Variants in SERTAD4 observed in about 807,000 individuals in gnomAD.
The protein encoded by SERTAD4 is SERTA domain containing 4.
In SERTAD4, 18 loss-of-function variants were observed where a neutral mutation model predicts 32.9. That is an observed-to-expected ratio of 0.55 (90% CI 0.38 to 0.81). SERTAD4 has a LOEUF of 0.81. SERTAD4 is among the 30% of genes least tolerant of loss of function. The pLI, the probability that SERTAD4 is intolerant of heterozygous loss-of-function variation, is 0.00. For synonymous variants in SERTAD4, 150 were observed against 156.4 expected, an observed-to-expected ratio of 0.96 and a Z score of 0.30; for missense variants, 383 against 426.0, an observed-to-expected ratio of 0.90 and a Z score of 0.89.
intron 3 of SERTAD4, among the ~76,000 whole-genome samples, chr1:210,240,267 TAG>T: frequency 6.6e-6 from 1 of 152,216 alleles, no homozygotes; most frequent in East Asian, 1.9e-4. Flanking sequence ...CATTTTTCTT[TAG>T]AGTTACCTTC....
chr1:210,237,996 G>T lies in SERTAD4; in HGVS notation c.36G>T (p.Glu12Asp), dbSNP rs1282763090. 6.2e-7 allele frequency: 1 copy of T among 1,613,686 alleles called. No individual in the cohort carries two copies. Among genetic ancestry groups the T allele is most frequent in the South Asian group, 1.1e-5 (1 of 91,038 alleles). ...TTCTGTCCATGAATAGATTCTGCGA[G>T]CCCATTGTCTCGGAAGGAGCTGCTG... is the stretch of plus-strand genomic sequence containing the variant. ...TLVLSMNRFCEPIVSEGAAEI... is the reference protein window; with the variant it reads ...TLVLSMNRFCDPIVSEGAAEI... The change falls in exon 2 of 4, where the codon GAG (glutamate) becomes GAT (aspartate). Residue 12 changes from glutamate to aspartate, a missense_variant. By Grantham distance (45) the Glu-to-Asp change is conservative. Transcript: ENST00000367012.
rs2084017398 is a variant in SERTAD4 at position 210,243,162 on chromosome 1, T to C, written c.*825T>C. On this transcript the variant is annotated 3_prime_UTR_variant, in exon 4 of 4. Transcript: ENST00000367012. ...TTTGGAAACTGTTAACTTTGAACTA[T>C]TGTGTTCAGCTTTTGATTCGACATC... 1 of 971,886 alleles carries C rather than the reference T, an allele frequency of 1.0e-6. No individual in the cohort carries two copies. The highest frequency in any genetic ancestry group is 1.2e-6 in the Non-Finnish European group (1 of 818,206). The allele number at this position is 971,886 out of a possible 1,614,324, so 60.2% of individuals were successfully genotyped here. A position where few individuals can be genotyped will look rare whatever the true frequency, so the allele number is the denominator to read the frequency against.
At chr1:210,233,243 C>T (rs1227862049) in intron 1 of SERTAD4, among the ~76,000 whole-genome samples, 2 of 152,016 alleles carry the variant, frequency 1.3e-5, no homozygotes, top group Admixed American at 1.3e-4. Flanking sequence ...GCGGGCTTTT[C>T]CCTGGGCTAG....
intron 1 of SERTAD4, chr1:210,233,946 C>T: frequency 2.4e-6 from 1 of 419,618 alleles, no homozygotes; most frequent in South Asian, 1.8e-5. Flanking sequence ...TCCTTGGAAT[C>T]CTACCTTTGG....
At position 210,237,936 on chromosome 1, in the gene SERTAD4, C is replaced by A. The variant is rs201870831; in HGVS notation, c.-17-8C>A. ...CTTCATTCTTGTTTTTTTTTTTTTT[C>A]TTTTCAGATCTGAGGCTGTCAGAGA... On this transcript the variant is annotated splice_polypyrimidine_tract_variant and splice_region_variant and intron_variant, in intron 1 of 3. Coordinates refer to ENST00000367012, the MANE Select transcript of SERTAD4 (RefSeq NM_019605.5). 2,942 of 1,135,304 alleles carry A rather than the reference C, an allele frequency of 2.6e-3. No individual in the cohort carries two copies. The highest frequency in any genetic ancestry group is 3.1e-3 in the Non-Finnish European group (2,590 of 830,504). 70.3% of individuals were successfully genotyped at this position (1,135,304 alleles called of 1,614,324 possible).
chr1:210,236,707 A>T (rs558778992), intron 1 of SERTAD4, among the ~76,000 whole-genome samples: 2 of 152,342 alleles, frequency 1.3e-5, no homozygotes, highest in South Asian at 2.1e-4. Context: ...TGTTTGAAAG[A>T]CAATCAATCT....
chr1:210,241,721 C>T lies in SERTAD4; in HGVS notation c.455C>T (p.Pro152Leu). 6.2e-7 allele frequency: 1 copy of T among 1,614,068 alleles called. No homozygotes were observed. Among genetic ancestry groups the T allele is most frequent in the South Asian group, 1.1e-5 (1 of 91,074 alleles). Residue 152 changes from proline to leucine, a missense_variant, in exon 4 of 4, where the codon CCT becomes CTT. This residue lies in a region of SERTAD4 where 107 missense variants were observed against 158.8 expected (regional missense o/e 0.67). Transcript: ENST00000367012. ...ATCATGCAGAATAACTGGTGCTTCC[C>T]TGCCTGCTCTTTCAATGGCACCTCT... is the stretch of plus-strand genomic sequence containing the variant. ...EIIMQNNWCF[P>L]ACSFNGTSAQ...
downstream of SERTAD4, chr1:210,246,601 A>G: frequency 6.1e-6 from 6 of 985,408 alleles, no homozygotes; most frequent in Non-Finnish European, 7.2e-6. Flanking sequence ...AACGATGACT[A>G]AACGAAGGGA....
intron 1 of SERTAD4, among the ~76,000 whole-genome samples, chr1:210,237,019 C>T (rs2083947285): frequency 6.6e-6 from 1 of 152,208 alleles, no homozygotes; most frequent in Non-Finnish European, 1.5e-5. Context: ...AGAGAAGCTC[C>T]CATCTCCCTG....
At chr1:210,233,798 G>T (rs1394290974) in intron 1 of SERTAD4, 1 of 470,310 alleles carries the variant, frequency 2.1e-6, no homozygotes, top group African/African-American at 2.0e-5. Context: ...CGGGCGCAGG[G>T]CGCTCCCGCA....
At chr1:210,237,221 C>CA (rs1324985780) in intron 1 of SERTAD4, 1 of 152,280 alleles carries the variant, frequency 6.6e-6, no homozygotes. Flanking sequence ...GACTGCAACT[C>CA]ACGGCTTGAA....
chr1:210,238,219 G>C, intron 2 of SERTAD4, 84 bp downstream of exon 2: 1 of 852,212 alleles, frequency 1.2e-6, no homozygotes, highest in East Asian at 2.5e-5. Context: ...GGTGTCTGGG[G>C]TGCCCCTCTG....
In SERTAD4 at chr1:210,242,444, C is replaced by T; in HGVS notation, c.*107C>T. 6.8e-7 allele frequency: 1 copy of T among 1,467,042 alleles called. No individual in the cohort carries two copies. Among genetic ancestry groups the T allele is most frequent in the Non-Finnish European group, 9.0e-7 (1 of 1,114,240 alleles). The allele number at this position is 1,467,042 out of a possible 1,614,324, so 90.9% of individuals were successfully genotyped here. ...TTTTGTACAACAGATAAAATTATGC[C>T]ATGAACATGCCATGTCGTTTTAATG... On this transcript the variant is annotated 3_prime_UTR_variant, in exon 4 of 4. Coordinates refer to ENST00000367012, the MANE Select transcript of SERTAD4 (RefSeq NM_019605.5). The surrounding 1 kb of genome is among the most constrained non-coding windows in gnomAD (Gnocchi z 4.0).
chr1:210,233,616 T>A (rs1175465545), intron 1 of SERTAD4: 5 of 455,748 alleles, frequency 1.1e-5, no homozygotes, highest in Non-Finnish European at 2.2e-5. Flanking sequence ...CGGCGGCGGC[T>A]CCTCTGTCCT....
rs1042448275 is a variant in SERTAD4, at chr1:210,243,122, G to T, written c.*785G>T. The T allele has an allele frequency of 1.1e-6, 1 of 952,370 alleles. No individual in the cohort carries two copies. The highest frequency in any genetic ancestry group is 1.2e-6 in the Non-Finnish European group (1 of 802,526). The allele number at this position is 952,370 out of a possible 1,614,324, so 59.0% of individuals were successfully genotyped here. On this transcript the variant is annotated 3_prime_UTR_variant, in exon 4 of 4. Transcript: ENST00000367012. ...AAAAAAAAAAAAAAAAAAACCACAGGGTGGATCAATATGGTTTGGAAACTG... is the reference window on the plus strand; with the variant it reads ...AAAAAAAAAAAAAAAAAAACCACAGTGTGGATCAATATGGTTTGGAAACTG...
Position 210,244,551 on chromosome 1 carries a change from A to G in SERTAD4, c.*2214A>G, listed in dbSNP as rs867172129. Reference sequence around the variant, plus strand: ...CATATTAATGTTCTTAGGAGCTAATATTTGATAAAGGGGAAAGCTAGTTAA... The same window carrying G: ...CATATTAATGTTCTTAGGAGCTAATGTTTGATAAAGGGGAAAGCTAGTTAA... On this transcript the variant is annotated 3_prime_UTR_variant, in exon 4 of 4. Coordinates refer to ENST00000367012, the MANE Select transcript of SERTAD4 (RefSeq NM_019605.5). 6.6e-6 allele frequency: 1 copy of G among 152,198 alleles called. No homozygotes were observed. Among genetic ancestry groups the G allele is most frequent in the Non-Finnish European group, 1.5e-5 (1 of 68,036 alleles). 9.4% of individuals were successfully genotyped at this position (152,198 alleles called of 1,614,324 possible).
chr1:210,236,300 G>A (rs1385994310), intron 1 of SERTAD4, among the ~76,000 whole-genome samples: 2 of 152,106 alleles, frequency 1.3e-5, no homozygotes, highest in Non-Finnish European at 2.9e-5. Flanking sequence ...CTCTTTGGAG[G>A]GCATCTTAAA....
At chr1:210,240,426 T>C (rs1049642675) in intron 3 of SERTAD4, among the ~76,000 whole-genome samples, 2 of 152,188 alleles carry the variant, frequency 1.3e-5, no homozygotes, top group African/African-American at 4.8e-5. Context: ...ATGTTGCTTT[T>C]ACCTTGCTCA....
At chr1:210,234,353 T>A (rs2083920215) in intron 1 of SERTAD4, among the ~76,000 whole-genome samples, 1 of 152,174 alleles carries the variant, frequency 6.6e-6, no homozygotes. Flanking sequence ...TTCGTGCTCT[T>A]TAGGCCCAGC....
Sources: gnomAD v4.1 joint callset for allele counts (sites outside exome capture counted in the v4.1 genomes callset) on GRCh38, gnomAD v4.1.1 for gene constraint, gnomAD v4.1.1 regional missense constraint, Gnocchi (gnomAD v3.1) non-coding constraint, MANE v1.5 for transcripts, NCBI Gene and HGNC (gene_info 2026-07-23, HGNC 2026-07-21) for gene names.